Variants in PTPRT observed in about 807,000 individuals in gnomAD.
The protein encoded by PTPRT is receptor-type tyrosine-protein phosphatase T.
In PTPRT, 56 loss-of-function variants were observed where a neutral mutation model predicts 176.8. The ratio of observed to expected loss-of-function variants is 0.32; its 90% confidence interval spans 0.26 to 0.40. The LOEUF (loss-of-function observed/expected upper bound fraction) is 0.40. Ranked by LOEUF, PTPRT falls within the 10% of genes least tolerant of loss-of-function variation. The pLI is 1.00. For synonymous variants in PTPRT, 783 were observed against 739.0 expected (o/e 1.06, Z -0.96); for missense variants, 1,540 against 1,908.2 (o/e 0.81, Z 3.60).
At chr20:42,883,717 C>G (rs2079047287) in intron 2 of PTPRT, among the ~76,000 whole-genome samples, 1 of 136,584 alleles carries the variant, frequency 7.3e-6, no homozygotes, top group African/African-American at 2.9e-5. Flanking sequence ...CCCATACACA[C>G]ACACCCATAC....
At chr20:42,614,503 G>A (rs1166487501) in intron 7 of PTPRT, among the ~76,000 whole-genome samples, 2 of 151,984 alleles carry the variant, frequency 1.3e-5, no homozygotes, top group East Asian at 3.9e-4. Flanking sequence ...GTGATAGCGT[G>A]GGTTCCAGTG....
chr20:42,735,697 G>A (rs116220072), intron 6 of PTPRT, among the ~76,000 whole-genome samples: 145 of 152,094 alleles, frequency 9.5e-4, no homozygotes, highest in African/African-American at 3.3e-3. Flanking sequence ...CGCAAGGAAG[G>A]CAGTGGCTGC....
chr20:42,836,262 C>T (rs2078179128), intron 2 of PTPRT, among the ~76,000 whole-genome samples: 1 of 152,174 alleles, frequency 6.6e-6, no homozygotes, highest in South Asian at 2.1e-4. Context: ...ACCCTCCATC[C>T]ACTGCAATAC....
Position 43,066,848 on chromosome 20 carries a change from C to G in PTPRT, c.88+122798G>C, listed in dbSNP as rs780936258. The stretch of plus-strand genomic sequence containing the variant: ...TCGTAAATGAGGTTTTGTTGGAACA[C>G]AGCCCACAGCCAAGCTCAGTTGTTC... On this transcript the variant is annotated intron_variant, in intron 1 of 30. Transcript: ENST00000373187. 9.3e-4 allele frequency among the ~76,000 whole-genome samples: 142 copies of G among 152,310 alleles called. 1 individual carries two copies. Among genetic ancestry groups the G allele is most frequent in the Non-Finnish European group, 3.1e-4 (21 of 68,024 alleles).
At chr20:42,312,646 AT>A (rs1194910923) in intron 12 of PTPRT, among the ~76,000 whole-genome samples, 2 of 152,004 alleles carry the variant, frequency 1.3e-5, no homozygotes, top group African/African-American at 4.8e-5. Context: ...ATCCAATTCC[AT>A]TCCTGCCTGT....
chr20:42,439,291 A>C (rs913237022), intron 9 of PTPRT, among the ~76,000 whole-genome samples: 2 of 152,184 alleles, frequency 1.3e-5, no homozygotes, highest in Non-Finnish European at 2.9e-5. Context: ...CACAAAAAAA[A>C]CCACAACAGG....
At chr20:42,749,123 C>T (rs2076732904) in intron 6 of PTPRT, among the ~76,000 whole-genome samples, 1 of 152,132 alleles carries the variant, frequency 6.6e-6, no homozygotes, top group South Asian at 2.1e-4. Flanking sequence ...AAAGGAAGAA[C>T]AGCTGGATGC....
intron 17 of PTPRT, among the ~76,000 whole-genome samples, chr20:42,142,678 G>A (rs1308033206): frequency 6.6e-6 from 1 of 152,104 alleles, no homozygotes; most frequent in Admixed American, 6.6e-5. Flanking sequence ...CTATGATAAA[G>A]TTCAATTTAT....
chr20:43,012,765 G>C (rs73907444), intron 1 of PTPRT, among the ~76,000 whole-genome samples: 4 of 152,136 alleles, frequency 2.6e-5, no homozygotes, highest in Admixed American at 6.5e-5. Flanking sequence ...AGGAGCCACC[G>C]GGAGGTTATT....
chr20:42,765,988 T>C (rs1432194609), intron 5 of PTPRT, among the ~76,000 whole-genome samples: 1 of 152,166 alleles, frequency 6.6e-6, no homozygotes, highest in Non-Finnish European at 1.5e-5. Context: ...GTAAATTTAC[T>C]CATTGGAAAA....
intron 7 of PTPRT, among the ~76,000 whole-genome samples, chr20:42,662,966 A>ATG (rs10548733): frequency 0.013 from 1,937 of 148,116 alleles, 13 homozygotes; most frequent in Non-Finnish European, 0.02. Context: ...ACCTGAATAT[A>ATG]TGTGTGTGTG....
intron 16 of PTPRT, among the ~76,000 whole-genome samples, chr20:42,169,743 A>AACACACACAC (rs56329932): frequency 0.018 from 1,930 of 104,572 alleles, 66 homozygotes; most frequent in African/African-American, 0.053. Flanking sequence ...ACAATTTTCA[A>AACACACACAC]ACACACACAC....
At chr20:42,063,259 CT>C in the PTPRT span, among the ~76,000 whole-genome samples, 1 of 152,186 alleles carries the variant, frequency 6.6e-6, no homozygotes. Context: ...CACGTTTCCC[CT>C]CCGAAGGCAC....
intron 1 of PTPRT, among the ~76,000 whole-genome samples, chr20:43,129,617 T>TTTA (rs1426001754): frequency 1.5e-5 from 2 of 134,136 alleles, no homozygotes; most frequent in African/African-American, 5.6e-5. Flanking sequence ...AGAGTTCTTT[T>TTTA]TTTTTTTTTT....
chr20:43,127,393 T>A (rs918685254), intron 1 of PTPRT, among the ~76,000 whole-genome samples: 6 of 147,832 alleles, frequency 4.1e-5, no homozygotes, highest in East Asian at 2.0e-4. Context: ...ACTGCACTCC[T>A]GCCTGGGCAA....
chr20:42,320,556 G>A (rs1247258305), intron 11 of PTPRT, among the ~76,000 whole-genome samples: 1 of 152,188 alleles, frequency 6.6e-6, no homozygotes, highest in Non-Finnish European at 1.5e-5. Flanking sequence ...CCAGAAGGAG[G>A]CATGTCTGAG....
intron 1 of PTPRT, among the ~76,000 whole-genome samples, chr20:43,001,879 C>A (rs79017808): frequency 1.1e-4 from 13 of 120,330 alleles, no homozygotes; most frequent in South Asian, 2.2e-4. Context: ...AACAAACAAA[C>A]AAAAAAACAA....
chr20:42,098,090 T>C (rs1477587700), intron 27 of PTPRT, among the ~76,000 whole-genome samples: 1 of 152,158 alleles, frequency 6.6e-6, no homozygotes, highest in Non-Finnish European at 1.5e-5. Flanking sequence ...TGCTCAGTGC[T>C]GGGGGAGGAA....
At chr20:42,210,192 T>C (rs1294408857) in intron 15 of PTPRT, among the ~76,000 whole-genome samples, 5 of 152,182 alleles carry the variant, frequency 3.3e-5, no homozygotes, top group Admixed American at 2.0e-4. Flanking sequence ...GCCAATATCA[T>C]ACTGAATGGG....
Sources: gnomAD v4.1 joint callset for allele counts (sites outside exome capture counted in the v4.1 genomes callset) on GRCh38, gnomAD v4.1.1 for gene constraint, MANE v1.5 for transcripts, NCBI Gene and HGNC (gene_info 2026-07-23, HGNC 2026-07-21) for gene names.